Variants in ZNF444 observed in about 807,000 individuals in gnomAD.
ZNF444 encodes zinc finger protein 444, also known as endothelial zinc finger protein 2.
In ZNF444, 8 loss-of-function variants were observed where a neutral mutation model predicts 14.4. The observed-to-expected ratio is 0.56, with a 90% CI of 0.33 to 1.00. The LOEUF is 1.00. Among genes scored for constraint, ZNF444 ranks in the 50% least tolerant of loss-of-function variants. The pLI, the probability that ZNF444 is intolerant of heterozygous loss-of-function variation, is 0.03. For missense variants in ZNF444, 510 were observed against 504.8 expected (o/e 1.01, Z -0.10); for synonymous variants, 258 against 235.9 (o/e 1.09, Z -0.86).
In ZNF444 at chr19:56,159,702, G is replaced by GCC; in HGVS notation, c.490_491dup (p.Leu165ArgfsTer10). The GCC allele has an allele frequency of 1.3e-6, 2 of 1,547,572 alleles. No homozygotes were observed. Among genetic ancestry groups the GCC allele is most frequent in the Non-Finnish European group, 1.7e-6 (2 of 1,151,144 alleles). On this transcript the variant is annotated frameshift_variant, in exon 5 of 5. Transcript: ENST00000337080. LOFTEE classifies it low-confidence loss of function (END_TRUNC). ...CGCCCCTACAAGCAGGAGCCCAGCAGCCCCCCGCTGGCGCCTGGCCTGCCC... is the reference window on the plus strand; with the variant it reads ...CGCCCCTACAAGCAGGAGCCCAGCAGCCCCCCCCGCTGGCGCCTGGCCTGCCC...
chr19:56,133,099 G>A lies in ZNF444; in HGVS notation c.-197+321G>A, dbSNP rs1389657257. On this transcript the variant is annotated intron_variant, in intron 1 of 2. Transcript: ENST00000587467. ...ATTACAGGCATGGGCCACCATGCCCGGCTTATTTTTGTATTTTTAGTAGAG... is the reference window on the plus strand; with the variant it reads ...ATTACAGGCATGGGCCACCATGCCCAGCTTATTTTTGTATTTTTAGTAGAG... Among the ~76,000 whole-genome samples the A allele has an allele frequency of 5.3e-5, 8 of 151,776 alleles. No homozygotes were observed. In the South Asian group the frequency reaches 8.3e-4, roughly 16 times the overall value.
At chr19:56,142,060 C>T (rs2030861361) in intron 1 of ZNF444, among the ~76,000 whole-genome samples, 1 of 152,180 alleles carries the variant, frequency 6.6e-6, no homozygotes. Flanking sequence ...ACCCCCGCCA[C>T]CTCTACCCCA....
Position 56,159,788 on chromosome 19 carries a change from C to A in ZNF444, c.571C>A (p.Pro191Thr). Residue 191 changes from proline (P) to threonine (T), a missense_variant, in exon 5 of 5, where the codon CCA becomes ACA. By Grantham distance (38) the Pro-to-Thr change is conservative. Coordinates refer to ENST00000337080, the MANE Select transcript of ZNF444 (RefSeq NM_018337.4). ...CGAGTGCGGCAAAACGTCCCTGAAA[C>A]CAGCTCACCTGCTGCGCCACCGGCA... ...CPECGKTSLK[P>T]AHLLRHRQSH... 1 of 1,593,834 alleles carries A rather than the reference C, an allele frequency of 6.3e-7. No individual in the cohort carries two copies. Among genetic ancestry groups the A allele is most frequent in the Non-Finnish European group, 8.5e-7 (1 of 1,174,358 alleles).
chr19:56,132,934 TC>T (rs1331670329), intron 1 of ZNF444, among the ~76,000 whole-genome samples: 58 of 85,296 alleles, frequency 6.8e-4, no homozygotes, highest in African/African-American at 2.5e-3. Flanking sequence ...TTTCTTTCTT[TC>T]TTTTTTTTTT....
At chr19:56,136,724 G>A (rs924945527), upstream of ZNF444, among the ~76,000 whole-genome samples, 4 of 152,116 alleles carry the variant, frequency 2.6e-5, no homozygotes, top group African/African-American at 4.8e-5. Flanking sequence ...GAAGTAAATC[G>A]CTGGGCCCCC....
rs991326139 is a variant in ZNF444, at chr19:56,160,259, T to C, written c.*58T>C. 2 of 1,339,492 alleles carry C rather than the reference T, an allele frequency of 1.5e-6. No individual in the cohort carries two copies. The highest frequency in any genetic ancestry group is 3.1e-5 in the East Asian group (1 of 32,682). The allele number at this position is 1,339,492 out of a possible 1,614,324, so 83.0% of individuals were successfully genotyped here. ...GGTGCTGCCCCCGGGCGGTACCTGCTCTCTCCCAGCGCCACTTGGCCTCTT... is the reference window on the plus strand; with the variant it reads ...GGTGCTGCCCCCGGGCGGTACCTGCCCTCTCCCAGCGCCACTTGGCCTCTT... On this transcript the variant is annotated 3_prime_UTR_variant, in exon 5 of 5. Transcript: ENST00000337080.
At position 56,147,439 on chromosome 19, in the gene ZNF444, G is replaced by A. The variant is rs977778551; in HGVS notation, c.297+231G>A. On this transcript the variant is annotated intron_variant, in intron 3 of 4. Coordinates refer to ENST00000337080, the MANE Select transcript of ZNF444 (RefSeq NM_018337.4). The surrounding 1 kb of genome is among the most constrained non-coding windows in gnomAD (Gnocchi z 5.9). The stretch of plus-strand genomic sequence containing the variant: ...CCCCAAGACCCTGGCATACTTGCGA[G>A]TTCTCTAGGACTCACAGCCGTGTTC... 5.3e-5 allele frequency among the ~76,000 whole-genome samples: 8 copies of A among 152,192 alleles called. No homozygotes were observed. Among genetic ancestry groups the A allele is most frequent in the Non-Finnish European group, 1.0e-4 (7 of 68,032 alleles).
chr19:56,158,940 T>TCCCACCATC (rs1568565125), intron 4 of ZNF444, among the ~76,000 whole-genome samples: 2 of 151,176 alleles, frequency 1.3e-5, no homozygotes, highest in South Asian at 4.2e-4. Context: ...CTCACACCAA[T>TCCCACCATC]CCCACCATCC....
chr19:56,159,299 CCCATCCATCATCTGTACATTCAT>C (rs1270670081), intron 4 of ZNF444, among the ~76,000 whole-genome samples: 1 of 152,066 alleles, frequency 6.6e-6, no homozygotes, highest in Non-Finnish European at 1.5e-5. Context: ...TCTTCATCTA[CCCATCCATCATCTGTACATTCAT>C]CCATCCATCA....
At position 56,159,796 on chromosome 19, in the gene ZNF444, C is replaced by T; in HGVS notation, c.579C>T (p.His193=). Residue 193 remains histidine, a synonymous_variant, in exon 5 of 5, where the codon CAC becomes CAT. Coordinates refer to ENST00000337080, the MANE Select transcript of ZNF444 (RefSeq NM_018337.4). ...ECGKTSLKPA[H]LLRHRQSHSG... ...GCAAAACGTCCCTGAAACCAGCTCA[C>T]CTGCTGCGCCACCGGCAGAGCCACT... is the stretch of plus-strand genomic sequence containing the variant. 3 of 1,590,416 alleles carry T rather than the reference C, an allele frequency of 1.9e-6. No homozygotes were observed. Among genetic ancestry groups the T allele is most frequent in the Non-Finnish European group, 2.6e-6 (3 of 1,173,126 alleles).
upstream of ZNF444, among the ~76,000 whole-genome samples, chr19:56,138,169 C>G (rs548397578): frequency 1.3e-5 from 2 of 152,158 alleles, no homozygotes; most frequent in Admixed American, 6.5e-5. Context: ...AAAATATGGT[C>G]TGTGTATGCA....
chr19:56,139,679 C>T (rs1034281296), upstream of ZNF444, among the ~76,000 whole-genome samples: 14 of 145,836 alleles, frequency 9.6e-5, no homozygotes, highest in Non-Finnish European at 1.5e-4. Flanking sequence ...CAGCCAGACC[C>T]TGTATCAAAA....
chr19:56,136,197 A>C (rs1457366712), intron 1 of ZNF444, among the ~76,000 whole-genome samples: 1 of 150,864 alleles, frequency 6.6e-6, no homozygotes. Context: ...TATGACCTCC[A>C]TTCAAGTGAA....
chr19:56,132,620 A>G (rs185650292), exon 1 of ZNF444: 51 of 152,290 alleles, frequency 3.3e-4, no homozygotes, highest in African/African-American at 1.2e-3. Context: ...TCAATCTCCA[A>G]CCGGAGAGAT....
chr19:56,154,030 A>G (rs1340683843), intron 3 of ZNF444, among the ~76,000 whole-genome samples: 1 of 152,238 alleles, frequency 6.6e-6, no homozygotes, highest in Non-Finnish European at 1.5e-5. Flanking sequence ...CTGATGGTGG[A>G]AGCAAGCAAA....
Position 56,160,288 on chromosome 19 carries a change from C to G in ZNF444, c.*87C>G, listed in dbSNP as rs1041141167. On this transcript the variant is annotated 3_prime_UTR_variant, in exon 5 of 5. Transcript: ENST00000337080. ...TCCCAGCGCCACTTGGCCTCTTCCT[C>G]TCCTCCTTCCCTCCCATCGTCCTCC... 4 of 1,089,214 alleles carry G rather than the reference C, an allele frequency of 3.7e-6. No individual in the cohort carries two copies. Among genetic ancestry groups the G allele is most frequent in the Non-Finnish European group, 4.9e-6 (4 of 817,086 alleles). 67.5% of individuals were successfully genotyped at this position (1,089,214 alleles called of 1,614,324 possible). A position where few individuals can be genotyped will look rare whatever the true frequency, so the allele number is the denominator to read the frequency against.
At position 56,160,494 on chromosome 19, in the gene ZNF444, TCTC is replaced by T. The variant is rs138024889; in HGVS notation, c.*294_*296del. 2,023 of 355,164 alleles carry T rather than the reference TCTC, an allele frequency of 5.7e-3. 27 individuals are homozygous for T. Among genetic ancestry groups the T allele is most frequent in the African/African-American group, 0.04 (1,878 of 46,704 alleles). The allele number at this position is 355,164 out of a possible 1,614,324, so 22.0% of individuals were successfully genotyped here. On this transcript the variant is annotated 3_prime_UTR_variant, in exon 5 of 5. Coordinates refer to ENST00000337080, the MANE Select transcript of ZNF444 (RefSeq NM_018337.4). ...CTAATGTCTCCTCCTTCCCCCCTCT[TCTC>T]TCTCCTGCGGCCCAGCCTCCCTCTC... is the stretch of plus-strand genomic sequence containing the variant.
chr19:56,134,810 G>A (rs1266858953), intron 1 of ZNF444, among the ~76,000 whole-genome samples: 1 of 149,662 alleles, frequency 6.7e-6, no homozygotes, highest in African/African-American at 2.5e-5. Context: ...AGAGCCCTGT[G>A]TTTAAAAAAA....
chr19:56,153,121 A>T lies in ZNF444; in HGVS notation c.298-5373A>T, dbSNP rs549754229. ...GACCACCAATAAGAGAGAGCCCGTC[A>T]TCCAGGAGGGGGCAGGCTCTTCCAT... On this transcript the variant is annotated intron_variant, in intron 3 of 4. Coordinates refer to ENST00000337080, the MANE Select transcript of ZNF444 (RefSeq NM_018337.4). Among the ~76,000 whole-genome samples the T allele has an allele frequency of 1.4e-4, 21 of 152,226 alleles. No homozygotes were observed. In the East Asian group the frequency reaches 3.9e-3, roughly 28 times the overall value.
Sources: allele counts gnomAD v4.1 joint callset (sites outside exome capture counted in the v4.1 genomes callset), GRCh38; gene constraint gnomAD v4.1.1; non-coding constraint Gnocchi (gnomAD v3.1); transcripts MANE v1.5; gene names NCBI Gene and HGNC (gene_info 2026-07-23, HGNC 2026-07-21).